Variants in SMAD9 observed in about 807,000 individuals in gnomAD.
SMAD9 encodes the protein MAD homolog 9.
A neutral mutation model predicts 46.1 loss-of-function variants in SMAD9; 36 were observed. The ratio of observed to expected loss-of-function variants is 0.78; its 90% confidence interval spans 0.60 to 1.03. The LOEUF (loss-of-function observed/expected upper bound fraction) is 1.03. SMAD9 is among the 50% of genes least tolerant of loss of function. The pLI is 0.00. For synonymous variants in SMAD9, 245 were observed against 237.1 expected (o/e 1.03, Z -0.31); for missense variants, 572 against 599.8 (o/e 0.95, Z 0.48).
chr13:36,903,453 C>G (rs2138649804), intron 1 of SMAD9, among the ~76,000 whole-genome samples: 1 of 152,250 alleles, frequency 6.6e-6, no homozygotes, highest in East Asian at 1.9e-4. Context: ...GCTTCAATGG[C>G]AGAGTGAGCA....
chr13:36,848,841 G>A, intron 6 of SMAD9, 22 bp from the exon 7 acceptor site: 1 of 1,611,620 alleles, frequency 6.2e-7, no homozygotes, highest in Non-Finnish European at 8.5e-7. Flanking sequence ...GAAAGGAGCT[G>A]AGTGATGGTG....
At chr13:36,861,235 A>T (rs1200213350) in intron 5 of SMAD9, among the ~76,000 whole-genome samples, 1 of 152,192 alleles carries the variant, frequency 6.6e-6, no homozygotes, top group African/African-American at 2.4e-5. Flanking sequence ...TTTAAGTCAC[A>T]AGGAATAAAA....
At chr13:36,867,167 A>C (rs894498558) in intron 4 of SMAD9, 106 bp downstream of exon 4, 1 of 757,188 alleles carries the variant, frequency 1.3e-6, no homozygotes, top group African/African-American at 1.7e-5. Context: ...CATGCAAAAC[A>C]GCAGGCCAGT....
chr13:36,897,049 T>C (rs1377787205), intron 1 of SMAD9, among the ~76,000 whole-genome samples: 1 of 152,122 alleles, frequency 6.6e-6, no homozygotes, highest in Admixed American at 6.6e-5. Context: ...TCAAAGTAAC[T>C]GCTAAAACAA....
chr13:36,866,789 T>C (rs768461436), intron 4 of SMAD9, among the ~76,000 whole-genome samples: 17 of 152,166 alleles, frequency 1.1e-4, no homozygotes, highest in Non-Finnish European at 2.4e-4. Flanking sequence ...AGAATAAAAA[T>C]CTTCATTTAT....
Position 36,886,331 on chromosome 13 carries a change from T to C in SMAD9, c.-186-6456A>G, listed in dbSNP as rs147870953. ...GCGAGACGGACAGCAAAAGACCCCCTGAATCCAAGGCTGGGCCTGAGCTGT... is the reference window on the plus strand; with the variant it reads ...GCGAGACGGACAGCAAAAGACCCCCCGAATCCAAGGCTGGGCCTGAGCTGT... On this transcript the variant is annotated intron_variant, in intron 1 of 6. Coordinates refer to ENST00000379826, the MANE Select transcript of SMAD9 (RefSeq NM_001127217.3). Among the ~76,000 whole-genome samples the C allele has an allele frequency of 5.5e-4, 84 of 152,298 alleles. 2 individuals are homozygous for C. Among genetic ancestry groups the C allele is most frequent in the African/African-American group, 2.0e-3 (82 of 41,576 alleles).
At chr13:36,898,477 T>G (rs2058547926) in intron 1 of SMAD9, among the ~76,000 whole-genome samples, 1 of 151,892 alleles carries the variant, frequency 6.6e-6, no homozygotes, top group South Asian at 2.1e-4. Context: ...AAAACACAAA[T>G]AGTATTCAGA....
chr13:36,852,499 C>G (rs2058082852), intron 6 of SMAD9: 2 of 985,132 alleles, frequency 2.0e-6, no homozygotes, highest in Non-Finnish European at 2.4e-6. Context: ...TTCCTTGGTT[C>G]TCCAGCCTTC....
Position 36,879,442 on chromosome 13 carries a change from T to C in SMAD9, c.248A>G (p.His83Arg). Residue 83 changes from histidine (H) to arginine (R), a missense_variant, in exon 2 of 7, where the codon CAC becomes CGC. Transcript: ENST00000379826. ...AATCACATGGGGCAGGCCCTTGCGG[T>C]GGGACACCTGCAGCCGCCCGTCCAG... ...RSLDGRLQVS[H>R]RKGLPHVIYC... The C allele has an allele frequency of 6.2e-7, 1 of 1,613,754 alleles. No individual in the cohort carries two copies. Among genetic ancestry groups the C allele is most frequent in the Non-Finnish European group, 8.5e-7 (1 of 1,180,008 alleles).
intron 5 of SMAD9, among the ~76,000 whole-genome samples, chr13:36,864,888 A>G (rs2058217012): frequency 6.6e-6 from 1 of 152,216 alleles, no homozygotes; most frequent in South Asian, 2.1e-4. Context: ...TCAATCGAAG[A>G]TACCAACTAT....
At chr13:36,859,371 G>T (rs1593557055) in intron 5 of SMAD9, among the ~76,000 whole-genome samples, 1 of 152,236 alleles carries the variant, frequency 6.6e-6, no homozygotes, top group East Asian at 1.9e-4. Flanking sequence ...GTAAAATAAG[G>T]CTAAGACCTA....
chr13:36,893,242 G>A (rs2058502041), intron 1 of SMAD9, among the ~76,000 whole-genome samples: 1 of 151,772 alleles, frequency 6.6e-6, no homozygotes, highest in African/African-American at 2.4e-5. Flanking sequence ...AAATGGACTA[G>A]ATTTTATCAG....
chr13:36,897,719 G>C (rs1486798999), intron 1 of SMAD9, among the ~76,000 whole-genome samples: 2 of 151,962 alleles, frequency 1.3e-5, no homozygotes, highest in East Asian at 3.9e-4. Flanking sequence ...ACTTGATTGG[G>C]TAAAAAAGGT....
At chr13:36,915,057 T>C (rs2058688522) in intron 1 of SMAD9, among the ~76,000 whole-genome samples, 1 of 152,204 alleles carries the variant, frequency 6.6e-6, no homozygotes, top group South Asian at 2.1e-4. Flanking sequence ...AGATATTCCA[T>C]AGATTAAAGC....
intron 5 of SMAD9, among the ~76,000 whole-genome samples, chr13:36,855,093 A>G (rs1259064103): frequency 6.6e-6 from 1 of 152,018 alleles, no homozygotes; most frequent in Non-Finnish European, 1.5e-5. Flanking sequence ...TGGCCTGGCC[A>G]ACATGGTGAA....
chr13:36,903,730 A>C (rs2058596837), intron 1 of SMAD9, among the ~76,000 whole-genome samples: 2 of 152,208 alleles, frequency 1.3e-5, no homozygotes, highest in East Asian at 1.9e-4. Context: ...ATAATGCAAA[A>C]GTAACATAGT....
chr13:36,885,586 C>G (rs1212971322), intron 1 of SMAD9, among the ~76,000 whole-genome samples: 1 of 151,980 alleles, frequency 6.6e-6, no homozygotes, highest in Non-Finnish European at 1.5e-5. Flanking sequence ...GGAGACTTTT[C>G]TAGCTGTATT....
intron 1 of SMAD9, among the ~76,000 whole-genome samples, chr13:36,895,505 C>G (rs2058520721): frequency 6.6e-6 from 1 of 152,174 alleles, no homozygotes; most frequent in South Asian, 2.1e-4. Flanking sequence ...GTGATGACAA[C>G]CAAAAATGTC....
intron 4 of SMAD9, among the ~76,000 whole-genome samples, chr13:36,866,056 G>A (rs1460756637): frequency 1.3e-5 from 2 of 152,100 alleles, no homozygotes; most frequent in African/African-American, 4.8e-5. Context: ...ATGAACAGAT[G>A]AACATAAAAA....
Sources: gnomAD v4.1 joint callset for allele counts (sites outside exome capture counted in the v4.1 genomes callset) on GRCh38, gnomAD v4.1.1 for gene constraint, MANE v1.5 for transcripts, NCBI Gene and HGNC (gene_info 2026-07-23, HGNC 2026-07-21) for gene names.